The following NBEA variants were observed in gnomAD, a reference collection of about 807,000 sequenced individuals.
The protein encoded by NBEA is neurobeachin, also known as lysosomal-trafficking regulator 2.
Under a neutral mutation model 343.4 loss-of-function variants are expected in NBEA, and 44 were observed. The ratio of observed to expected loss-of-function variants is 0.13; its 90% CI spans 0.10 to 0.16. The LOEUF is 0.16. NBEA is among the 10% of genes least tolerant of loss of function. The pLI is 1.00. For synonymous variants in NBEA, 1,175 were observed against 1,238.7 expected, an observed-to-expected ratio of 0.95 and a Z score of 1.08; for missense variants, 2,555 against 3,631.3, an observed-to-expected ratio of 0.70 and a Z score of 7.62.
intron 40 of NBEA, among the ~76,000 whole-genome samples, chr13:35,458,056 G>A (rs1384496715): frequency 1.3e-5 from 2 of 152,144 alleles, no homozygotes; most frequent in Admixed American, 1.3e-4. Flanking sequence ...ATTTCATGTG[G>A]ACATATGTTT....
At chr13:35,090,061 A>AAAATAAATAAAT (rs71078079) in intron 10 of NBEA, among the ~76,000 whole-genome samples, 92,474 of 144,928 alleles carry the variant, frequency 0.64, 31,790 homozygotes, top group Non-Finnish European at 0.76. Context: ...AAAGTATAAT[A>AAAATAAATAAAT]AAATAAATAA....
At chr13:35,441,224 A>T (rs1594648893) in intron 39 of NBEA, among the ~76,000 whole-genome samples, 1 of 152,278 alleles carries the variant, frequency 6.6e-6, no homozygotes, top group East Asian at 1.9e-4. Flanking sequence ...TGATATACTT[A>T]AAAGAAGACA....
At chr13:34,992,198 A>G (rs539351620) in intron 1 of NBEA, among the ~76,000 whole-genome samples, 121 of 138,816 alleles carry the variant, frequency 8.7e-4, no homozygotes, top group Non-Finnish European at 1.3e-3. Context: ...GTGTATATAT[A>G]TGTGTGTGTG....
chr13:35,595,699 A>G (rs1312909749), intron 47 of NBEA, among the ~76,000 whole-genome samples: 1 of 152,002 alleles, frequency 6.6e-6, no homozygotes, highest in East Asian at 1.9e-4. Flanking sequence ...CAAAGACAAT[A>G]TACTTTTTTT....
intron 47 of NBEA, among the ~76,000 whole-genome samples, chr13:35,597,575 C>T (rs962787950): frequency 2.0e-5 from 3 of 152,070 alleles, no homozygotes; most frequent in African/African-American, 7.2e-5. Flanking sequence ...TTGGTTGATA[C>T]AGTCCTTGAA....
At chr13:35,383,020 C>T (rs1009926331) in intron 38 of NBEA, among the ~76,000 whole-genome samples, 2 of 152,146 alleles carry the variant, frequency 1.3e-5, no homozygotes, top group African/African-American at 4.8e-5. Context: ...GCTTTTCCCT[C>T]TGTCCTTAAA....
chr13:35,300,882 T>C (rs2036494652), intron 35 of NBEA, among the ~76,000 whole-genome samples: 1 of 152,176 alleles, frequency 6.6e-6, no homozygotes. Flanking sequence ...TGCATTTTTG[T>C]TTGCCACCCA....
intron 31 of NBEA, among the ~76,000 whole-genome samples, chr13:35,205,048 A>G (rs568015132): frequency 2.0e-4 from 31 of 152,322 alleles, no homozygotes; most frequent in Admixed American, 2.6e-4. Context: ...TTATCAACAC[A>G]TACTGGTTAG....
At chr13:35,004,776 A>G (rs2061260925) in intron 1 of NBEA, among the ~76,000 whole-genome samples, 1 of 152,238 alleles carries the variant, frequency 6.6e-6, no homozygotes, top group East Asian at 1.9e-4. Context: ...TAAAGATCCA[A>G]AAGAAGAGGA....
At chr13:35,011,493 G>A (rs1213431516) in intron 1 of NBEA, among the ~76,000 whole-genome samples, 1 of 152,170 alleles carries the variant, frequency 6.6e-6, no homozygotes, top group African/African-American at 2.4e-5. Context: ...GTAAAAACAA[G>A]TGTTTGATAT....
intron 1 of NBEA, among the ~76,000 whole-genome samples, chr13:34,984,423 T>G (rs2060473937): frequency 6.6e-6 from 1 of 152,188 alleles, no homozygotes; most frequent in Non-Finnish European, 1.5e-5. Context: ...TTGGTACCAG[T>G]ACCATGCTGT....
intron 10 of NBEA, 64 bp from the exon 11 acceptor site, chr13:35,098,233 A>T (rs1327338091): frequency 8.9e-6 from 10 of 1,127,128 alleles, no homozygotes; most frequent in African/African-American, 1.6e-5. Flanking sequence ...AAAATACTGA[A>T]GTGGGACACT....
At chr13:35,439,417 A>T (rs573097143) in intron 39 of NBEA, among the ~76,000 whole-genome samples, 10 of 152,338 alleles carry the variant, frequency 6.6e-5, no homozygotes, top group African/African-American at 2.4e-4. Context: ...CTTGATTATG[A>T]ATTTGCCAGG....
At chr13:35,050,495 T>A in intron 6 of NBEA, 100 bp downstream of exon 6, 2 of 1,226,888 alleles carry the variant, frequency 1.6e-6, no homozygotes, top group Non-Finnish European at 2.2e-6. Context: ...GGTTTTCCTA[T>A]GCTTTTAATT....
intron 34 of NBEA, among the ~76,000 whole-genome samples, chr13:35,249,661 ATGGCAT>A (rs1259530080): frequency 6.5e-4 from 99 of 152,344 alleles, no homozygotes; most frequent in African/African-American, 2.3e-3. Context: ...GGAAAACAGT[ATGGCAT>A]TTTGTCAGAA....
chr13:35,014,619 T>TA, intron 1 of NBEA, among the ~76,000 whole-genome samples: 1 of 152,280 alleles, frequency 6.6e-6, no homozygotes, highest in South Asian at 2.1e-4. Flanking sequence ...AGCAGGGGTC[T>TA]ACTGGGACCA....
chr13:35,504,503 C>T (rs1447837583), intron 41 of NBEA, among the ~76,000 whole-genome samples: 3 of 152,100 alleles, frequency 2.0e-5, no homozygotes, highest in Non-Finnish European at 4.4e-5. Context: ...TTGGACTTCA[C>T]TTGACTTTAT....
chr13:35,485,317 A>G (rs2076270136), intron 41 of NBEA, among the ~76,000 whole-genome samples: 2 of 151,998 alleles, frequency 1.3e-5, no homozygotes, highest in Admixed American at 6.6e-5. Context: ...CCTTCAATAT[A>G]CTTAATTAAT....
chr13:35,294,285 C>T (rs142757374), intron 35 of NBEA, among the ~76,000 whole-genome samples: 5 of 150,456 alleles, frequency 3.3e-5, no homozygotes, highest in South Asian at 4.2e-4. Flanking sequence ...TGAACATTTA[C>T]GTTTTTCATT....
Sources: gnomAD v4.1 joint callset for allele counts (sites outside exome capture counted in the v4.1 genomes callset) on GRCh38, gnomAD v4.1.1 for gene constraint, MANE v1.5 for transcripts, NCBI Gene and HGNC (gene_info 2026-07-23, HGNC 2026-07-21) for gene names.